P2RY6: variants seen among roughly 807,000 people sequenced by gnomAD.
The protein encoded by P2RY6 is pyrimidinergic receptor P2Y6.
Under a neutral mutation model 16.3 loss-of-function variants are expected in P2RY6, and 19 were observed. That is an observed-to-expected ratio of 1.16 (90% CI 0.81 to 1.71). P2RY6 has a LOEUF of 1.71. P2RY6 is among the 40% of genes most tolerant of loss of function. The probability of loss-of-function intolerance (pLI) is 0.00; values close to 1 mark genes in which losing one functional copy is unlikely to be tolerated. For missense variants in P2RY6, 389 were observed against 455.5 expected, an observed-to-expected ratio of 0.85 and a Z score of 1.33; for synonymous variants, 184 against 201.5, an observed-to-expected ratio of 0.91 and a Z score of 0.74.
At chr11:73,274,552 A>AAAAG (rs1022411594) in intron 1 of P2RY6, among the ~76,000 whole-genome samples, 19 of 151,920 alleles carry the variant, frequency 1.3e-4, no homozygotes, top group African/African-American at 2.2e-4. Flanking sequence ...AAAAAAAAAA[A>AAAAG]AAAGAAAGAA....
At position 73,297,376 on chromosome 11, in the gene P2RY6, G is replaced by A. The variant is rs562631177; in HGVS notation, c.858G>A (p.Thr286=). The A allele has an allele frequency of 1.3e-4, 211 of 1,612,136 alleles. 1 individual carries two copies. The highest frequency in any genetic ancestry group is 6.6e-4 in the South Asian group (60 of 91,084). ...CCTTTGCAGCGGCCTACAAAGGCACGCGGCCGTTTGCCAGTGCCAACAGCG... is the reference window on the plus strand; with the variant it reads ...CCTTTGCAGCGGCCTACAAAGGCACACGGCCGTTTGCCAGTGCCAACAGCG... ...LEAFAAAYKG[T]RPFASANSVL... is the part of the protein sequence containing the mutation. Residue 286 remains threonine, a synonymous_variant, in exon 3 of 3, where the codon ACG becomes ACA. Coordinates refer to ENST00000540124, the MANE Select transcript of P2RY6 (RefSeq NM_001277204.2).
intron 1 of P2RY6, among the ~76,000 whole-genome samples, chr11:73,280,712 G>A (rs1462572441): frequency 1.3e-5 from 2 of 152,196 alleles, no homozygotes; most frequent in Non-Finnish European, 2.9e-5. Flanking sequence ...TGTGGGGAGA[G>A]GGAAGTCCAG....
intron 1 of P2RY6, among the ~76,000 whole-genome samples, chr11:73,273,466 A>G (rs1270230659): frequency 6.6e-6 from 1 of 150,978 alleles, no homozygotes; most frequent in Non-Finnish European, 1.5e-5. Flanking sequence ...CTTCCAGTGT[A>G]TGTGTGTGTG....
At chr11:73,271,117 A>AGAG (rs911596139), upstream of P2RY6, among the ~76,000 whole-genome samples, 3 of 152,194 alleles carry the variant, frequency 2.0e-5, no homozygotes, top group Non-Finnish European at 2.9e-5. Context: ...GTAAGAAAGA[A>AGAG]GAGGAGGAGG....
chr11:73,294,114 G>A (rs1229383368), intron 1 of P2RY6, among the ~76,000 whole-genome samples: 2 of 151,836 alleles, frequency 1.3e-5, no homozygotes, highest in African/African-American at 2.4e-5. Flanking sequence ...ATGGTGACGA[G>A]GGGAACATGA....
chr11:73,267,814 G>A (rs918449788), upstream of P2RY6, among the ~76,000 whole-genome samples: 5 of 152,214 alleles, frequency 3.3e-5, no homozygotes, highest in Non-Finnish European at 7.3e-5. Flanking sequence ...CAGGACTTAT[G>A]TGGGATGGCT....
chr11:73,285,116 G>A lies in P2RY6; in HGVS notation c.-120-10614G>A, dbSNP rs116397448. Reference sequence around the variant, plus strand: ...GACAGGGTCTCGCTCTGTAGCCAAGGCTGGAATGCAGTGGTGTGATCATAG... The same window carrying A: ...GACAGGGTCTCGCTCTGTAGCCAAGACTGGAATGCAGTGGTGTGATCATAG... On this transcript the variant is annotated intron_variant, in intron 1 of 2. Coordinates refer to ENST00000540124, the MANE Select transcript of P2RY6 (RefSeq NM_001277204.2). 9.1e-3 allele frequency among the ~76,000 whole-genome samples: 1,381 copies of A among 152,288 alleles called. 15 individuals are homozygous for A. The highest frequency in any genetic ancestry group is 0.03 in the African/African-American group (1,235 of 41,558).
intron 1 of P2RY6, among the ~76,000 whole-genome samples, chr11:73,284,638 C>G (rs1863895886): frequency 6.6e-6 from 1 of 152,218 alleles, no homozygotes; most frequent in African/African-American, 2.4e-5. Context: ...CCAATAAACA[C>G]ATACTCTTAA....
chr11:73,282,120 T>C (rs1387106984), intron 1 of P2RY6, among the ~76,000 whole-genome samples: 1 of 152,194 alleles, frequency 6.6e-6, no homozygotes, highest in Non-Finnish European at 1.5e-5. Flanking sequence ...CTGTCAGGGC[T>C]TGTTAGGGGG....
intron 1 of P2RY6, among the ~76,000 whole-genome samples, chr11:73,294,409 A>G (rs755885107): frequency 2.0e-5 from 3 of 152,240 alleles, no homozygotes; most frequent in Non-Finnish European, 4.4e-5. Context: ...GAGAATGAAC[A>G]TGTGAATGAG....
In P2RY6 at chr11:73,296,672, T is replaced by A. The variant is rs1180301452; in HGVS notation, c.154T>A (p.Cys52Ser). ...PLNICVITQI[C>S]TSRRALTRTA... Reference sequence around the variant, plus strand: ...GAACATCTGTGTCATTACCCAGATCTGCACGTCCCGCCGGGCCCTGACCCG... The same window carrying A: ...GAACATCTGTGTCATTACCCAGATCAGCACGTCCCGCCGGGCCCTGACCCG... The change falls in exon 3 of 3, where the codon TGC (cysteine) becomes AGC (serine). Residue 52 changes from cysteine to serine, a missense_variant. Cys to Ser is a moderately radical substitution (Grantham distance 112, BLOSUM62 -1). Coordinates refer to ENST00000540124, the MANE Select transcript of P2RY6 (RefSeq NM_001277204.2). The A allele has an allele frequency of 6.2e-7, 1 of 1,614,166 alleles. No individual in the cohort carries two copies. The highest frequency in any genetic ancestry group is 8.5e-7 in the Non-Finnish European group (1 of 1,180,030).
At chr11:73,280,744 G>GGA (rs1207739942) in intron 1 of P2RY6, among the ~76,000 whole-genome samples, 4 of 152,226 alleles carry the variant, frequency 2.6e-5, no homozygotes, top group African/African-American at 9.6e-5. Context: ...GCACTGACGA[G>GGA]GGGCAAAAGA....
chr11:73,284,696 G>A (rs868248034), intron 1 of P2RY6, among the ~76,000 whole-genome samples: 8 of 152,016 alleles, frequency 5.3e-5, no homozygotes, highest in Non-Finnish European at 8.8e-5. Context: ...CAAGACCCCC[G>A]TGCACCCAGT....
chr11:73,269,366 G>A (rs1863210905), upstream of P2RY6, among the ~76,000 whole-genome samples: 1 of 152,168 alleles, frequency 6.6e-6, no homozygotes, highest in Non-Finnish European at 1.5e-5. Context: ...TAGCCCCTAA[G>A]GCTTCCTCCT....
At chr11:73,278,038 T>C (rs1207570381) in intron 1 of P2RY6, among the ~76,000 whole-genome samples, 1 of 152,236 alleles carries the variant, frequency 6.6e-6, no homozygotes, top group African/African-American at 2.4e-5. Flanking sequence ...AAAATATACA[T>C]AACAAAATGT....
chr11:73,294,494 T>C (rs1864396791), intron 1 of P2RY6, among the ~76,000 whole-genome samples: 1 of 152,256 alleles, frequency 6.6e-6, no homozygotes, highest in Admixed American at 6.5e-5. Context: ...CTGGCTATGC[T>C]ATGGTGGGCT....
At chr11:73,277,222 T>G (rs1863574706) in intron 1 of P2RY6, among the ~76,000 whole-genome samples, 1 of 151,954 alleles carries the variant, frequency 6.6e-6, no homozygotes, top group Non-Finnish European at 1.5e-5. Flanking sequence ...CAAGCGATTC[T>G]CCTGCCTCAG....
chr11:73,290,303 A>AAAAGAAAGAAAGAAAGAAAG lies in P2RY6; in HGVS notation c.-120-5384_-120-5365dup, dbSNP rs563446982. 1.5e-4 allele frequency among the ~76,000 whole-genome samples: 17 copies of AAAAGAAAGAAAGAAAGAAAG among 113,042 alleles called. 1 individual carries two copies. Among genetic ancestry groups the AAAAGAAAGAAAGAAAGAAAG allele is most frequent in the East Asian group, 2.3e-4 (1 of 4,416 alleles). 74.2% of individuals were successfully genotyped at this position (113,042 alleles called of 152,430 possible). A position where few individuals can be genotyped will look rare whatever the true frequency, so the allele number is the denominator to read the frequency against. On this transcript the variant is annotated intron_variant, in intron 1 of 2. Transcript: ENST00000540124. ...GAAGGAAAGAAAGAAAGAAAGAAAG[A>AAAAGAAAGAAAGAAAGAAAG]AAAGAAAGAAAGAAAGAAAGAAAGA...
chr11:73,290,347 G>GAAAGAAAT (rs1322711870), intron 1 of P2RY6, among the ~76,000 whole-genome samples: 1 of 141,788 alleles, frequency 7.1e-6, no homozygotes, highest in Non-Finnish European at 1.6e-5. Flanking sequence ...AAGAAAGAAA[G>GAAAGAAAT]AAAGAAAGAA....
Sources: gnomAD v4.1 joint callset for allele counts (sites outside exome capture counted in the v4.1 genomes callset) on GRCh38, gnomAD v4.1.1 for gene constraint, MANE v1.5 for transcripts, NCBI Gene and HGNC (gene_info 2026-07-23, HGNC 2026-07-21) for gene names.